ASPRV1: variants seen among roughly 807,000 people sequenced by gnomAD.
ASPRV1 encodes retroviral-like aspartic protease 1.
ASPRV1 carries 7 observed loss-of-function variants against 11.0 expected under a neutral mutation model. That is an observed-to-expected ratio of 0.64 (90% confidence interval 0.36 to 1.20). ASPRV1 has a LOEUF of 1.20. Among genes scored for constraint, ASPRV1 ranks in the 50% most tolerant of loss-of-function variants. The pLI, the probability that ASPRV1 is intolerant of heterozygous loss-of-function variation, is 0.02. For missense variants in ASPRV1, 299 were observed against 320.0 expected (o/e 0.93, Z 0.50); for synonymous variants, 136 against 138.4 (o/e 0.98, Z 0.12).
chr2:70,049,627 A>G, the ASPRV1 span: 4 of 152,212 alleles, frequency 2.6e-5, no homozygotes, highest in African/African-American at 4.8e-5. Flanking sequence ...AGACTTTATC[A>G]TTCCAAATGA....
the ASPRV1 span, among the ~76,000 whole-genome samples, chr2:70,052,127 A>G: frequency 1.3e-5 from 2 of 152,230 alleles, no homozygotes; most frequent in Non-Finnish European, 2.9e-5. Context: ...AATAAATAAG[A>G]AAAGTATATA....
chr2:70,073,346 C>G, the ASPRV1 span: 1 of 152,142 alleles, frequency 6.6e-6, no homozygotes, highest in African/African-American at 2.4e-5. Context: ...AGTCCCTCTT[C>G]TATTTTTTTA....
the ASPRV1 span, among the ~76,000 whole-genome samples, chr2:69,967,074 T>G: frequency 6.6e-6 from 1 of 152,244 alleles, no homozygotes; most frequent in Non-Finnish European, 1.5e-5. Flanking sequence ...TGTAAATCAG[T>G]GTCAGGCACT....
the ASPRV1 span, among the ~76,000 whole-genome samples, chr2:69,998,742 AAAG>A: frequency 6.6e-6 from 1 of 152,124 alleles, no homozygotes; most frequent in Non-Finnish European, 1.5e-5. Context: ...AAAAAAAAAA[AAAG>A]ATTTCTTTCT....
At chr2:70,015,873 G>C in the ASPRV1 span, 1 of 152,210 alleles carries the variant, frequency 6.6e-6, no homozygotes, top group African/African-American at 2.4e-5. Flanking sequence ...TGAGGGAGGA[G>C]AATCACTCGA....
the ASPRV1 span, among the ~76,000 whole-genome samples, chr2:70,074,475 G>C: frequency 6.6e-6 from 1 of 151,410 alleles, no homozygotes; most frequent in Non-Finnish European, 1.5e-5. Flanking sequence ...TTTTAGTAGA[G>C]ACAGAGTTTC....
chr2:69,987,818 T>C, the ASPRV1 span, among the ~76,000 whole-genome samples: 1 of 152,156 alleles, frequency 6.6e-6, no homozygotes, highest in African/African-American at 2.4e-5. Flanking sequence ...GGGAAGGTCT[T>C]TGGACCCTGT....
At chr2:69,982,888 C>T in the ASPRV1 span, among the ~76,000 whole-genome samples, 2 of 152,190 alleles carry the variant, frequency 1.3e-5, no homozygotes, top group African/African-American at 4.8e-5. Flanking sequence ...GGGCCCCTCC[C>T]CTCACCCTGT....
the ASPRV1 span, among the ~76,000 whole-genome samples, chr2:69,979,042 TTTTG>T: frequency 6.6e-6 from 1 of 152,114 alleles, no homozygotes; most frequent in Non-Finnish European, 1.5e-5. Context: ...TTTTGTTTGT[TTTTG>T]TTTTTTTGAG....
the ASPRV1 span, among the ~76,000 whole-genome samples, chr2:69,948,300 T>C: frequency 6.6e-6 from 1 of 152,254 alleles, no homozygotes; most frequent in African/African-American, 2.4e-5. Flanking sequence ...TATTACACCA[T>C]CCTCGGCCCC....
At chr2:70,080,518 T>G in the ASPRV1 span, among the ~76,000 whole-genome samples, 1 of 152,078 alleles carries the variant, frequency 6.6e-6, no homozygotes, top group Non-Finnish European at 1.5e-5. Flanking sequence ...TGAGCCACTG[T>G]GCCCGGCCAC....
chr2:69,957,682 T>C (rs1306989859), downstream of ASPRV1, among the ~76,000 whole-genome samples: 1 of 151,760 alleles, frequency 6.6e-6, no homozygotes, highest in Non-Finnish European at 1.5e-5. Flanking sequence ...GGCTCGCAGG[T>C]GATGCTGATG....
At chr2:69,957,549 T>G (rs1677968019), downstream of ASPRV1, among the ~76,000 whole-genome samples, 1 of 151,420 alleles carries the variant, frequency 6.6e-6, no homozygotes, top group Non-Finnish European at 1.5e-5. Context: ...TAACTAGAGG[T>G]ATTAGAATGT....
At chr2:70,028,007 G>A in the ASPRV1 span, among the ~76,000 whole-genome samples, 1 of 152,258 alleles carries the variant, frequency 6.6e-6, no homozygotes, top group South Asian at 2.1e-4. Flanking sequence ...CCACATCATG[G>A]GCACTTCCCA....
chr2:69,970,822 G>A, the ASPRV1 span: 1 of 152,232 alleles, frequency 6.6e-6, no homozygotes, highest in Non-Finnish European at 1.5e-5. Context: ...CGATGGCTTT[G>A]AATATCAGGC....
the ASPRV1 span, among the ~76,000 whole-genome samples, chr2:70,064,179 G>T: frequency 2.0e-5 from 3 of 152,192 alleles, no homozygotes; most frequent in Admixed American, 2.0e-4. Flanking sequence ...GCAAACAAGG[G>T]AATTACCAAA....
the ASPRV1 span, among the ~76,000 whole-genome samples, chr2:70,077,893 C>T: frequency 1.3e-5 from 2 of 151,712 alleles, no homozygotes; most frequent in East Asian, 3.9e-4. Flanking sequence ...ATTAGCCGGG[C>T]GTGGTGGCTC....
the ASPRV1 span, chr2:69,975,306 T>A: frequency 6.6e-6 from 1 of 152,584 alleles, no homozygotes; most frequent in Non-Finnish European, 1.5e-5. Context: ...TGGGGGATTC[T>A]GAATGGAGCC....
chr2:70,081,645 G>A, the ASPRV1 span, among the ~76,000 whole-genome samples: 4 of 151,824 alleles, frequency 2.6e-5, no homozygotes, highest in African/African-American at 7.3e-5. Flanking sequence ...GTGCAGTGAC[G>A]CGATCATGGC....
Sources: allele counts gnomAD v4.1 joint callset (sites outside exome capture counted in the v4.1 genomes callset), GRCh38; gene constraint gnomAD v4.1.1; transcripts MANE v1.5; gene names NCBI Gene and HGNC (gene_info 2026-07-23, HGNC 2026-07-21).